OTOGL: variants seen among roughly 807,000 people sequenced by gnomAD.
OTOGL encodes the protein otogelin-like protein.
A neutral mutation model predicts 318.5 loss-of-function variants in OTOGL; 285 were observed. That is an observed-to-expected ratio of 0.89 (90% CI 0.81 to 0.99). The LOEUF is 0.99. Ranked by LOEUF, OTOGL falls within the 50% of genes least tolerant of loss-of-function variation. OTOGL has a pLI of 0.00. For synonymous variants in OTOGL, 987 were observed against 936.5 expected, an observed-to-expected ratio of 1.05 and a Z score of -0.99; for missense variants, 2,899 against 2,845.6, an observed-to-expected ratio of 1.02 and a Z score of -0.43.
At chr12:80,351,465 GC>G (rs749903759) in intron 44 of OTOGL, among the ~76,000 whole-genome samples, 1 of 151,982 alleles carries the variant, frequency 6.6e-6, no homozygotes, top group Non-Finnish European at 1.5e-5. Flanking sequence ...ACAGGCACGC[GC>G]CACCACACCT....
chr12:80,131,969 A>G (rs1871267378), intron 1 of OTOGL: 1 of 152,234 alleles, frequency 6.6e-6, no homozygotes, highest in African/African-American at 2.4e-5. Context: ...AATATCAATA[A>G]ATGTTTCATG....
intron 49 of OTOGL, among the ~76,000 whole-genome samples, chr12:80,357,392 T>C (rs1889974494): frequency 6.7e-6 from 1 of 149,552 alleles, no homozygotes. Context: ...AATATTGAAA[T>C]ATAAAGAATT....
chr12:80,328,958 A>G (rs1887888797), intron 36 of OTOGL, 93 bp from the exon 37 acceptor site: 1 of 1,244,580 alleles, frequency 8.0e-7, no homozygotes, highest in Non-Finnish European at 1.1e-6. Flanking sequence ...TTCCCAAAAC[A>G]TTTTCCTTGA....
chr12:80,317,902 C>T (rs1887073329), intron 32 of OTOGL, among the ~76,000 whole-genome samples: 1 of 152,158 alleles, frequency 6.6e-6, no homozygotes, highest in South Asian at 2.1e-4. Context: ...GTTTCTATCT[C>T]TCTACAGGGT....
chr12:80,293,673 TG>T (rs1396747067), intron 26 of OTOGL, among the ~76,000 whole-genome samples: 8 of 152,078 alleles, frequency 5.3e-5, no homozygotes, highest in Admixed American at 5.2e-4. Context: ...TTTTTTTACC[TG>T]GTCAGCTCCT....
intron 7 of OTOGL, among the ~76,000 whole-genome samples, chr12:80,223,943 G>T (rs1436972288): frequency 2.0e-5 from 3 of 151,800 alleles, no homozygotes; most frequent in African/African-American, 7.2e-5. Flanking sequence ...ATTAAGTCTT[G>T]TCTGTTTATA....
intron 9 of OTOGL, among the ~76,000 whole-genome samples, 152 bp downstream of exon 9, chr12:80,233,249 G>A (rs1188001824): frequency 6.6e-6 from 1 of 152,204 alleles, no homozygotes; most frequent in Non-Finnish European, 1.5e-5. Flanking sequence ...GGTTGAATAG[G>A]AAAATATTTT....
At chr12:80,327,738 T>A (rs992046246) in intron 35 of OTOGL, among the ~76,000 whole-genome samples, 1 of 151,204 alleles carries the variant, frequency 6.6e-6, no homozygotes, top group South Asian at 2.1e-4. Context: ...GACGGGTGGA[T>A]CATGAGGTCA....
At chr12:80,235,330 T>A (rs1879738769) in intron 9 of OTOGL, among the ~76,000 whole-genome samples, 1 of 151,914 alleles carries the variant, frequency 6.6e-6, no homozygotes, top group Admixed American at 6.6e-5. Flanking sequence ...CCAGGCGTGG[T>A]GGCAGACACC....
intron 19 of OTOGL, among the ~76,000 whole-genome samples, chr12:80,264,282 T>A (rs565343164): frequency 5.9e-4 from 90 of 152,266 alleles, no homozygotes; most frequent in African/African-American, 2.0e-3. Flanking sequence ...ATCTGATCAG[T>A]CATTCTCAAG....
In OTOGL at chr12:80,128,016, G is replaced by A. The variant is rs149204038; in HGVS notation, c.-20+28411G>A. Reference sequence around the variant, plus strand: ...TCCTTTAGCTTGGAGTAGTTTGATCGTCTGAAGCCTTCTTCTATCAACTTG... The same window carrying A: ...TCCTTTAGCTTGGAGTAGTTTGATCATCTGAAGCCTTCTTCTATCAACTTG... On this transcript the variant is annotated intron_variant, in intron 1 of 58. Coordinates refer to ENST00000547103, the MANE Select transcript of OTOGL (RefSeq NM_001378609.3). Among the ~76,000 whole-genome samples, 786 of 152,070 alleles carry A rather than the reference G, an allele frequency of 5.2e-3. 6 individuals are homozygous for A. Among genetic ancestry groups the A allele is most frequent in the African/African-American group, 0.018 (745 of 41,520 alleles).
intron 55 of OTOGL, 89 bp downstream of exon 55, chr12:80,368,398 A>ATG: frequency 6.4e-6 from 5 of 777,730 alleles, no homozygotes. Context: ...CCCCACACAC[A>ATG]CTGCACTGCA....
intron 26 of OTOGL, among the ~76,000 whole-genome samples, chr12:80,289,311 T>C (rs988437348): frequency 2.6e-5 from 4 of 152,162 alleles, no homozygotes. Flanking sequence ...GCCAGAGCTC[T>C]CCTGTATGAA....
At chr12:80,183,850 C>T (rs1279728369) in intron 1 of OTOGL, among the ~76,000 whole-genome samples, 2 of 152,112 alleles carry the variant, frequency 1.3e-5, no homozygotes, top group Non-Finnish European at 1.5e-5. Context: ...GAGTGTTTCT[C>T]AAATTGTAGT....
chr12:80,137,744 G>A (rs1365506237), intron 1 of OTOGL, among the ~76,000 whole-genome samples: 2 of 152,154 alleles, frequency 1.3e-5, no homozygotes, highest in East Asian at 3.9e-4. Context: ...TTAGTGTCAT[G>A]TTCTGATGCC....
Position 80,217,592 on chromosome 12 carries a change from T to G in OTOGL, c.169-6T>G, listed in dbSNP as rs772433187. 1.3e-6 allele frequency: 2 copies of G among 1,521,588 alleles called. No homozygotes were observed. Among genetic ancestry groups the G allele is most frequent in the Non-Finnish European group, 1.8e-6 (2 of 1,124,102 alleles). 94.3% of individuals were successfully genotyped at this position (1,521,588 alleles called of 1,614,324 possible). A position where few individuals can be genotyped will look rare whatever the true frequency, so the allele number is the denominator to read the frequency against. On this transcript the variant is annotated splice_polypyrimidine_tract_variant and splice_region_variant and intron_variant, in intron 4 of 58. Transcript: ENST00000547103. ...TGTATTGCATTCTCATTTCTTTCTT[T>G]CAAAGTTTGAAGCTACTTCTCCGAG...
At chr12:80,123,990 C>G (rs1327088324) in intron 1 of OTOGL, among the ~76,000 whole-genome samples, 1 of 152,068 alleles carries the variant, frequency 6.6e-6, no homozygotes, top group African/African-American at 2.4e-5. Context: ...CTGTAGGTTG[C>G]CTGCTCCCTC....
At chr12:80,352,059 T>C (rs557775595) in intron 44 of OTOGL, among the ~76,000 whole-genome samples, 71 of 152,328 alleles carry the variant, frequency 4.7e-4, no homozygotes, top group African/African-American at 1.6e-3. Context: ...TACTCTGTTT[T>C]CTTTTCCATC....
At chr12:80,134,949 T>C (rs1871456264) in intron 1 of OTOGL, among the ~76,000 whole-genome samples, 1 of 152,180 alleles carries the variant, frequency 6.6e-6, no homozygotes, top group South Asian at 2.1e-4. Context: ...TCTTCAGCAA[T>C]ATCTTGGGCG....
Sources: gnomAD v4.1 joint callset for allele counts (sites outside exome capture counted in the v4.1 genomes callset) on GRCh38, gnomAD v4.1.1 for gene constraint, MANE v1.5 for transcripts, NCBI Gene and HGNC (gene_info 2026-07-23, HGNC 2026-07-21) for gene names.